The following MYH4 variants were observed in gnomAD, a reference collection of about 807,000 sequenced individuals.
The protein encoded by MYH4 is myosin-4.
A neutral mutation model predicts 229.9 loss-of-function variants in MYH4; 200 were observed. That is an observed-to-expected ratio of 0.87 (90% CI 0.78 to 0.98). MYH4 has a LOEUF of 0.98. Among genes scored for constraint, MYH4 ranks in the 50% least tolerant of loss-of-function variants. The pLI is 0.00. For synonymous variants in MYH4, 761 were observed against 834.6 expected (o/e 0.91, Z 1.52); for missense variants, 2,148 against 2,332.6 (o/e 0.92, Z 1.63).
chr17:10,449,097 C>T, intron 30 of MYH4, 50 bp from the exon 31 acceptor site: 1 of 1,530,020 alleles, frequency 6.5e-7, no homozygotes, highest in Non-Finnish European at 9.0e-7. Flanking sequence ...AGAGTCACCA[C>T]AGTGCCCTTT....
In MYH4 at chr17:10,460,275, C is replaced by T; in HGVS notation, c.1194G>A (p.Leu398=). Residue 398 remains leucine, a synonymous_variant, in exon 13 of 40, where the codon CTG becomes CTA. Transcript: ENST00000255381. ...CTCTGGGATAGCAGAGAGATTTGAG[C>T]AGGTCAGCAGAGTTCAGACTTGTCA... is the stretch of plus-strand genomic sequence containing the variant. ...AYLTSLNSAD[L]LKSLCYPRVK... The T allele has an allele frequency of 2.5e-6, 4 of 1,613,676 alleles. No individual in the cohort carries two copies. Among genetic ancestry groups the T allele is most frequent in the South Asian group, 1.1e-5 (1 of 91,072 alleles).
At chr17:10,456,964 G>T (rs1457160680) in intron 16 of MYH4, among the ~76,000 whole-genome samples, 1 of 152,208 alleles carries the variant, frequency 6.6e-6, no homozygotes, top group Non-Finnish European at 1.5e-5. Context: ...TCACCTGCAG[G>T]GAAATCCTGG....
Position 10,452,126 on chromosome 17 carries a change from A to C in MYH4, c.3553T>G (p.Ser1185Ala), listed in dbSNP as rs768173930. ...FQKMRRDLEE[S>A]TLQHEATAAA... ...GCCGTGGCTTCGTGCTGCAGGGTGG[A>C]CTCTTCCAGGTCCCTGCGCATTTTC... Residue 1185 changes from serine to alanine, a missense_variant, in exon 27 of 40, where the codon TCC (serine) becomes GCC (alanine). Transcript: ENST00000255381. The C allele has an allele frequency of 3.7e-6, 6 of 1,613,854 alleles. No homozygotes were observed. The South Asian group carries it at 5.5e-5, about 15-fold the overall frequency.
intron 28 of MYH4, 95 bp downstream of exon 28, chr17:10,451,231 A>G (rs2072568812): frequency 1.4e-6 from 2 of 1,432,266 alleles, no homozygotes; most frequent in Non-Finnish European, 1.9e-6. Context: ...AAATGAATGT[A>G]CAGAGCTTGA....
intron 12 of MYH4, 62 bp from the exon 13 acceptor site, chr17:10,460,383 G>A: frequency 1.6e-6 from 2 of 1,275,814 alleles, no homozygotes; most frequent in Admixed American, 2.2e-5. Context: ...AAATGTAAAT[G>A]ATGATGACAA....
chr17:10,458,614 A>C (rs746273072), intron 15 of MYH4, among the ~76,000 whole-genome samples: 1 of 152,194 alleles, frequency 6.6e-6, no homozygotes, highest in Non-Finnish European at 1.5e-5. Flanking sequence ...TATTGATATC[A>C]ATAAGTATAT....
chr17:10,460,180 C>T (rs773160222), intron 13 of MYH4, 23 bp downstream of exon 13: 2 of 1,613,340 alleles, frequency 1.2e-6, no homozygotes, highest in Non-Finnish European at 8.5e-7. Flanking sequence ...TCAAATAAAT[C>T]AGACAATTTA....
rs759043866 is a variant in MYH4 at position 10,463,642 on chromosome 17, C to G, written c.650G>C (p.Gly217Ala). 7 of 1,597,962 alleles carry G rather than the reference C, an allele frequency of 4.4e-6. No individual in the cohort carries two copies. Among genetic ancestry groups the G allele is most frequent in the Non-Finnish European group, 6.0e-6 (7 of 1,173,922 alleles). Residue 217 changes from glycine (G) to alanine (A), a missense_variant and splice_region_variant, in exon 8 of 40, where the codon GGG becomes GCG. Physicochemically the swap from Gly to Ala is moderately conservative, Grantham distance 60. Coordinates refer to ENST00000255381, the MANE Select transcript of MYH4 (RefSeq NM_017533.2). ...ACTGATGATTTGATCTTCAAGGGTC[C>G]CCTTAAGAGAAATGAATAAGACAGA... ...KEEPASGKMQ[G>A]TLEDQIISAN...
intron 28 of MYH4, 45 bp from the exon 29 acceptor site, chr17:10,450,940 A>AATTTAATTTAATT: frequency 6.9e-7 from 1 of 1,452,646 alleles, no homozygotes; most frequent in Non-Finnish European, 9.6e-7. Context: ...TTGTCTAGGT[A>AATTTAATTTAATT]AACAATAATT....
intron 25 of MYH4, 89 bp downstream of exon 25, chr17:10,452,698 G>T: frequency 7.0e-7 from 1 of 1,423,186 alleles, no homozygotes; most frequent in Non-Finnish European, 9.5e-7. Flanking sequence ...CATATGTCAT[G>T]ATGTAACATT....
intron 10 of MYH4, 42 bp downstream of exon 10, chr17:10,463,048 G>A (rs2072719560): frequency 3.8e-6 from 6 of 1,587,840 alleles, no homozygotes; most frequent in Non-Finnish European, 5.2e-6. Context: ...TCTTAGAAGG[G>A]CTGTTATTCT....
At chr17:10,453,518 A>G (rs569338538) in intron 23 of MYH4, 125 bp downstream of exon 23, 10 of 1,565,464 alleles carry the variant, frequency 6.4e-6, no homozygotes, top group Non-Finnish European at 8.7e-6. Context: ...GGTGAAGACT[A>G]AAGAGATGAA....
In MYH4 at chr17:10,455,844, A is replaced by G. The variant is rs774905501; in HGVS notation, c.2026T>C (p.Cys676Arg). The G allele has an allele frequency of 1.2e-6, 2 of 1,614,222 alleles. No individual in the cohort carries two copies. The highest frequency in any genetic ancestry group is 2.2e-5 in the South Asian group (2 of 91,084). The change falls in exon 18 of 40, where the codon TGC becomes CGC. Residue 676 changes from cysteine to arginine, a missense_variant. Physicochemically the swap from Cys to Arg is radical, Grantham distance 180. Coordinates refer to ENST00000255381, the MANE Select transcript of MYH4 (RefSeq NM_017533.2). The part of the protein sequence containing the change: ...LRSTHPHFVR[C>R]IIPNETKTPG... ...GTTTTAGTTTCATTGGGGATGATGC[A>G]CCGCACAAAGTGGGGGTGAGTGCTC...
At chr17:10,463,265 A>G (rs2072721787) in intron 9 of MYH4, 73 bp downstream of exon 9, 1 of 1,547,752 alleles carries the variant, frequency 6.5e-7, no homozygotes, top group African/African-American at 1.4e-5. Context: ...CACACAACAG[A>G]AATAAGTACA....
At chr17:10,451,852 G>T in intron 27 of MYH4, 89 bp downstream of exon 27, 1 of 1,472,976 alleles carries the variant, frequency 6.8e-7, no homozygotes, top group Non-Finnish European at 9.1e-7. Context: ...TCTAATGTTT[G>T]TGTAATTTGG....
chr17:10,459,048 G>A (rs184551021), intron 15 of MYH4, among the ~76,000 whole-genome samples: 42 of 152,278 alleles, frequency 2.8e-4, no homozygotes, highest in Non-Finnish European at 4.0e-4. Flanking sequence ...GAATCCATAT[G>A]TGTGTGAGTG....
chr17:10,451,264 T>C (rs1597416837), intron 28 of MYH4, 62 bp downstream of exon 28: 11 of 1,567,342 alleles, frequency 7.0e-6, no homozygotes, highest in Non-Finnish European at 6.9e-6. Context: ...ATTTGATAGG[T>C]AGGTAAAGGC....
chr17:10,460,130 T>C (rs752451049), intron 13 of MYH4, 29 bp from the exon 14 acceptor site: 1 of 1,614,126 alleles, frequency 6.2e-7, no homozygotes. Flanking sequence ...TTTAGTTTTT[T>C]AAATTGAAAA....
intron 30 of MYH4, 120 bp downstream of exon 30, chr17:10,450,333 T>A: frequency 6.7e-7 from 1 of 1,501,340 alleles, no homozygotes; most frequent in Non-Finnish European, 9.1e-7. Flanking sequence ...CACCAACCTA[T>A]AATAAAATAA....
Sources: allele counts gnomAD v4.1 joint callset (sites outside exome capture counted in the v4.1 genomes callset), GRCh38; gene constraint gnomAD v4.1.1; transcripts MANE v1.5; gene names NCBI Gene and HGNC (gene_info 2026-07-23, HGNC 2026-07-21).